MALRD1: variants seen among roughly 807,000 people sequenced by gnomAD.
The protein encoded by MALRD1 is MAM and LDL receptor class A domain containing 1.
A neutral mutation model predicts 242.1 loss-of-function variants in MALRD1; 247 were observed. The observed-to-expected ratio is 1.02, with a 90% confidence interval of 0.92 to 1.13. The LOEUF is 1.13. Among genes scored for constraint, MALRD1 ranks in the 50% most tolerant of loss-of-function variants. The pLI, the probability that MALRD1 is intolerant of heterozygous loss-of-function variation, is 0.00. For missense variants in MALRD1, 2,989 were observed against 2,533.1 expected, an observed-to-expected ratio of 1.18 and a Z score of -3.86; for synonymous variants, 995 against 866.6, an observed-to-expected ratio of 1.15 and a Z score of -2.60.
intron 36 of MALRD1, among the ~76,000 whole-genome samples, chr10:19,689,451 T>C (rs759243680): frequency 2.0e-5 from 3 of 152,140 alleles, no homozygotes; most frequent in Non-Finnish European, 2.9e-5. Flanking sequence ...GAAAATTTTC[T>C]TCACTATAGA....
At chr10:19,718,327 T>C (rs1834512787) in intron 38 of MALRD1, among the ~76,000 whole-genome samples, 1 of 152,206 alleles carries the variant, frequency 6.6e-6, no homozygotes, top group African/African-American at 2.4e-5. Context: ...GTAAGAAGCT[T>C]GGTGCCAGCA....
chr10:19,405,857 ATT>A (rs5783674), intron 28 of MALRD1, among the ~76,000 whole-genome samples: 1,610 of 150,694 alleles, frequency 0.011, 4 homozygotes, highest in Middle Eastern at 0.024. Context: ...GTTAGGATGC[ATT>A]TTTTTTTTTC....
chr10:19,386,509 ATT>A (rs1252175910), intron 26 of MALRD1, among the ~76,000 whole-genome samples: 1 of 152,158 alleles, frequency 6.6e-6, no homozygotes, highest in Non-Finnish European at 1.5e-5. Context: ...CTATTGAAAT[ATT>A]GTTACCCATG....
chr10:19,167,763 C>T (rs1187255546), intron 13 of MALRD1, among the ~76,000 whole-genome samples: 1 of 152,108 alleles, frequency 6.6e-6, no homozygotes, highest in Non-Finnish European at 1.5e-5. Flanking sequence ...CGAGCTCCCC[C>T]AGGTTACTCT....
chr10:19,291,447 G>A (rs1245433680), intron 21 of MALRD1: 2 of 152,114 alleles, frequency 1.3e-5, no homozygotes, highest in African/African-American at 4.8e-5. Context: ...GAGGGGAAAG[G>A]TGGTTGGATC....
intron 34 of MALRD1, 92 bp downstream of exon 34, chr10:19,595,549 A>T: frequency 1.5e-6 from 2 of 1,336,796 alleles, no homozygotes; most frequent in South Asian, 3.1e-5. Flanking sequence ...AGTTCTCTAG[A>T]GCCTTACCGT....
intron 18 of MALRD1, among the ~76,000 whole-genome samples, chr10:19,212,608 C>G (rs1348615901): frequency 6.6e-6 from 1 of 152,116 alleles, no homozygotes; most frequent in East Asian, 1.9e-4. Flanking sequence ...GGTAAATACC[C>G]AGGAGTGCAA....
intron 28 of MALRD1, among the ~76,000 whole-genome samples, chr10:19,391,642 A>G (rs1480327796): frequency 6.6e-6 from 1 of 152,074 alleles, no homozygotes; most frequent in African/African-American, 2.4e-5. Flanking sequence ...ACCGAGTCGC[A>G]CCCAATCGGG....
intron 26 of MALRD1, among the ~76,000 whole-genome samples, chr10:19,386,576 A>T (rs1405927118): frequency 6.6e-6 from 1 of 152,168 alleles, no homozygotes; most frequent in Non-Finnish European, 1.5e-5. Flanking sequence ...CCTTCAATAT[A>T]CATTCTAAAT....
chr10:19,053,354 C>T (rs555496920), intron 1 of MALRD1, among the ~76,000 whole-genome samples: 1 of 152,312 alleles, frequency 6.6e-6, no homozygotes, highest in South Asian at 2.1e-4. Context: ...AGTTTGGAAT[C>T]TGACAACTGG....
chr10:19,668,690 G>T (rs1403534960), intron 36 of MALRD1, among the ~76,000 whole-genome samples: 1 of 151,904 alleles, frequency 6.6e-6, no homozygotes, highest in African/African-American at 2.4e-5. Flanking sequence ...GAGGAAAAAA[G>T]GGATTTAGGA....
chr10:19,454,734 A>ACG (rs1835551198), intron 29 of MALRD1, among the ~76,000 whole-genome samples: 1 of 151,250 alleles, frequency 6.6e-6, no homozygotes, highest in Non-Finnish European at 1.5e-5. Flanking sequence ...ACACACACAC[A>ACG]CACACACACA....
intron 26 of MALRD1, among the ~76,000 whole-genome samples, chr10:19,372,315 G>A (rs1231940872): frequency 6.6e-6 from 1 of 151,962 alleles, no homozygotes; most frequent in Non-Finnish European, 1.5e-5. Context: ...CTCTCATAGG[G>A]CAAAGGTAAA....
At chr10:19,427,987 T>A (rs1011672816) in intron 28 of MALRD1, among the ~76,000 whole-genome samples, 1 of 152,166 alleles carries the variant, frequency 6.6e-6, no homozygotes, top group Admixed American at 6.5e-5. Flanking sequence ...ATACACTAAT[T>A]TCCTGAGCTA....
At chr10:19,429,458 G>A (rs1320052511) in intron 28 of MALRD1, among the ~76,000 whole-genome samples, 1 of 152,170 alleles carries the variant, frequency 6.6e-6, no homozygotes, top group African/African-American at 2.4e-5. Flanking sequence ...CAGCTACTCA[G>A]AAGGCTGAAG....
chr10:19,168,808 C>G (rs1303210182), intron 13 of MALRD1, among the ~76,000 whole-genome samples: 3 of 152,102 alleles, frequency 2.0e-5, no homozygotes, highest in Admixed American at 2.0e-4. Context: ...TGCTTTTTCT[C>G]TCCAATCAGC....
chr10:19,657,432 C>T (rs1589367429), intron 36 of MALRD1, among the ~76,000 whole-genome samples: 1 of 152,250 alleles, frequency 6.6e-6, no homozygotes, highest in East Asian at 1.9e-4. Context: ...GGGTCCACAT[C>T]AGGGGCATCT....
Position 19,124,658 on chromosome 10 carries a change from G to A in MALRD1, c.931G>A (p.Gly311Ser), listed in dbSNP as rs1207396894. 2.8e-5 allele frequency: 35 copies of A among 1,233,598 alleles called. No individual in the cohort carries two copies. Among genetic ancestry groups the A allele is most frequent in the Non-Finnish European group, 1.5e-5 (15 of 988,108 alleles). The allele number at this position is 1,233,598 out of a possible 1,614,324, so 76.4% of individuals were successfully genotyped here. The change falls in exon 7 of 40, where the codon GGT (glycine) becomes AGT (serine). Residue 311 changes from glycine to serine, a missense_variant. By Grantham distance (56) the Gly-to-Ser change is moderately conservative (BLOSUM62 0). Transcript: ENST00000454679. ...ATCCACACCTCAGCAGGATCAAGGA[G>A]GTGATGATGAAGGTAGAAAAAAAAA... Reference protein sequence around the residue: ...FESTPQQDQGGDDEGYYVWVG... With the variant: ...FESTPQQDQGSDDEGYYVWVG...
chr10:19,272,190 C>T (rs1042433607), intron 19 of MALRD1, among the ~76,000 whole-genome samples: 2 of 151,646 alleles, frequency 1.3e-5, no homozygotes, highest in East Asian at 1.9e-4. Context: ...AGAAACATCT[C>T]GAATATTAGA....
Sources: gnomAD v4.1 joint callset for allele counts (sites outside exome capture counted in the v4.1 genomes callset) on GRCh38, gnomAD v4.1.1 for gene constraint, MANE v1.5 for transcripts, NCBI Gene and HGNC (gene_info 2026-07-23, HGNC 2026-07-21) for gene names.